PTPRD: variants seen among roughly 807,000 people sequenced by gnomAD.
PTPRD encodes protein tyrosine phosphatase receptor type D, also known as receptor-type tyrosine-protein phosphatase delta.
Under a neutral mutation model 214.5 loss-of-function variants are expected in PTPRD, and 34 were observed. The observed-to-expected ratio is 0.16, with a 90% CI of 0.12 to 0.21. PTPRD has a LOEUF of 0.21. Among genes scored for constraint, PTPRD ranks in the 10% least tolerant of loss-of-function variants. The pLI is 1.00. For missense variants in PTPRD, 2,545 were observed against 2,398.7 expected (o/e 1.06, Z -1.27); for synonymous variants, 1,128 against 845.7 (o/e 1.33, Z -5.79).
intron 9 of PTPRD, among the ~76,000 whole-genome samples, chr9:9,315,721 A>C (rs1962457216): frequency 6.6e-6 from 1 of 151,852 alleles, no homozygotes; most frequent in Non-Finnish European, 1.5e-5. Flanking sequence ...CCGTCTAAAA[A>C]ACAAAGGAAG....
chr9:9,615,356 C>T (rs1455107190), intron 7 of PTPRD, among the ~76,000 whole-genome samples: 2 of 152,128 alleles, frequency 1.3e-5, no homozygotes, highest in African/African-American at 2.4e-5. Context: ...GCTGGCACTG[C>T]ACTATAAAGG....
chr9:8,328,060 TATG>T (rs1429611123), intron 44 of PTPRD, among the ~76,000 whole-genome samples: 1 of 152,190 alleles, frequency 6.6e-6, no homozygotes, highest in Non-Finnish European at 1.5e-5. Flanking sequence ...ATCCTGTCAT[TATG>T]ATGTTTGCTG....
At chr9:8,772,913 A>T (rs1053307975) in intron 11 of PTPRD, among the ~76,000 whole-genome samples, 2 of 152,244 alleles carry the variant, frequency 1.3e-5, no homozygotes, top group Non-Finnish European at 2.9e-5. Flanking sequence ...AAACATTTTG[A>T]TAACTTTAGG....
At chr9:10,198,592 C>A (rs1013641235) in intron 3 of PTPRD, among the ~76,000 whole-genome samples, 12 of 152,004 alleles carry the variant, frequency 7.9e-5, no homozygotes, top group Non-Finnish European at 1.8e-4. Context: ...CTGTTAGAGG[C>A]AAGGACAAAG....
At chr9:10,312,700 G>A (rs2096300803) in intron 3 of PTPRD, among the ~76,000 whole-genome samples, 1 of 151,712 alleles carries the variant, frequency 6.6e-6, no homozygotes, top group Non-Finnish European at 1.5e-5. Context: ...CATATAAACA[G>A]AAAAGAGAGT....
intron 14 of PTPRD, among the ~76,000 whole-genome samples, chr9:8,530,071 G>T (rs2075292415): frequency 6.6e-6 from 1 of 151,940 alleles, no homozygotes; most frequent in Non-Finnish European, 1.5e-5. Context: ...TTCTCCTTGG[G>T]TGCCTCCTAC....
chr9:9,597,569 G>T (rs2093445187), intron 7 of PTPRD, among the ~76,000 whole-genome samples: 1 of 152,006 alleles, frequency 6.6e-6, no homozygotes, highest in Non-Finnish European at 1.5e-5. Flanking sequence ...CCGTAGAACT[G>T]CAAAAACGAA....
At chr9:9,649,872 C>T (rs903636499) in intron 7 of PTPRD, among the ~76,000 whole-genome samples, 8 of 152,026 alleles carry the variant, frequency 5.3e-5, no homozygotes, top group African/African-American at 1.9e-4. Flanking sequence ...CATTTTTCCT[C>T]ATTTCTCAGA....
At chr9:10,565,860 A>G (rs1036337768) in intron 2 of PTPRD, among the ~76,000 whole-genome samples, 2 of 151,922 alleles carry the variant, frequency 1.3e-5, no homozygotes, top group African/African-American at 4.8e-5. Flanking sequence ...CCACACACAC[A>G]CAGTATGTAT....
intron 11 of PTPRD, among the ~76,000 whole-genome samples, chr9:8,762,092 T>A (rs181820722): frequency 2.6e-4 from 40 of 152,188 alleles, no homozygotes; most frequent in Admixed American, 1.1e-3. Flanking sequence ...ACTATAGCAG[T>A]TTAGGGGATG....
chr9:8,419,178 A>T (rs1247397387), intron 35 of PTPRD, among the ~76,000 whole-genome samples: 2 of 151,064 alleles, frequency 1.3e-5, no homozygotes, highest in African/African-American at 4.9e-5. Flanking sequence ...CTGAGATGAG[A>T]TCATCTCACT....
At chr9:10,567,904 A>G (rs1307641708) in intron 2 of PTPRD, among the ~76,000 whole-genome samples, 1 of 150,996 alleles carries the variant, frequency 6.6e-6, no homozygotes, top group African/African-American at 2.4e-5. Flanking sequence ...TTGTCTTAAT[A>G]ATATATCATT....
At chr9:10,518,107 G>A (rs1195477138) in intron 2 of PTPRD, among the ~76,000 whole-genome samples, 2 of 152,146 alleles carry the variant, frequency 1.3e-5, no homozygotes, top group Admixed American at 6.5e-5. Context: ...CTATTCCATT[G>A]TTCTAACTAG....
intron 9 of PTPRD, among the ~76,000 whole-genome samples, chr9:9,211,765 G>A (rs1322294748): frequency 6.6e-6 from 1 of 151,016 alleles, no homozygotes; most frequent in East Asian, 1.9e-4. Flanking sequence ...CACATATTAT[G>A]TCATTTAATC....
At chr9:10,336,116 T>C (rs748100895) in intron 3 of PTPRD, among the ~76,000 whole-genome samples, 5 of 151,794 alleles carry the variant, frequency 3.3e-5, no homozygotes, top group Non-Finnish European at 5.9e-5. Flanking sequence ...TGAAAACTTA[T>C]GTTCACACAG....
intron 12 of PTPRD, among the ~76,000 whole-genome samples, chr9:8,658,665 CA>C (rs967839839): frequency 8.3e-6 from 1 of 120,962 alleles, no homozygotes; most frequent in African/African-American, 3.2e-5. Flanking sequence ...GATAAAAGCA[CA>C]TTTGGAAAAA....
chr9:8,561,679 G>C (rs978458884), intron 14 of PTPRD, among the ~76,000 whole-genome samples: 1 of 151,906 alleles, frequency 6.6e-6, no homozygotes, highest in African/African-American at 2.4e-5. Flanking sequence ...CTGCGTCAGT[G>C]ATTCAGTGAT....
chr9:8,331,862 A>G (rs1156538690), intron 43 of PTPRD, 126 bp from the exon 44 acceptor site: 12 of 1,124,942 alleles, frequency 1.1e-5, no homozygotes, highest in East Asian at 2.7e-5. Context: ...AGTTAGGAAC[A>G]TGTTTAAATA....
At chr9:8,577,535 G>T (rs7033133) in intron 14 of PTPRD, among the ~76,000 whole-genome samples, 1,841 of 151,964 alleles carry the variant, frequency 0.012, 11 homozygotes, top group Admixed American at 0.019. Context: ...GATTATAGAC[G>T]TGAGCCACTG....
Sources: allele counts gnomAD v4.1 joint callset (sites outside exome capture counted in the v4.1 genomes callset), GRCh38; gene constraint gnomAD v4.1.1; transcripts MANE v1.5; gene names NCBI Gene and HGNC (gene_info 2026-07-23, HGNC 2026-07-21).